The following AEN variants were observed in gnomAD, a reference collection of about 807,000 sequenced individuals.
AEN encodes the protein apoptosis enhancing nuclease, also known as apoptosis-enhancing nuclease.
Under a neutral mutation model 17.7 loss-of-function variants are expected in AEN, and 21 were observed. The ratio of observed to expected loss-of-function variants is 1.19; its 90% CI spans 0.84 to 1.71. AEN has a LOEUF of 1.71. Among genes scored for constraint, AEN ranks in the 40% most tolerant of loss-of-function variants. The probability of loss-of-function intolerance (pLI) is 0.00; values close to 1 mark genes in which losing one functional copy is unlikely to be tolerated. For missense variants in AEN, 462 were observed against 435.9 expected (o/e 1.06, Z -0.53); for synonymous variants, 190 against 173.0 (o/e 1.10, Z -0.77).
At chr15:88,617,811 C>A (rs35539462), upstream of AEN, among the ~76,000 whole-genome samples, 40,084 of 150,528 alleles carry the variant, frequency 0.27, 6,078 homozygotes, top group Non-Finnish European at 0.33. Flanking sequence ...AAGTGACTAG[C>A]TGAAATGCTT....
At chr15:88,617,839 G>GAA (rs34780546), upstream of AEN, among the ~76,000 whole-genome samples, 9 of 151,898 alleles carry the variant, frequency 5.9e-5, no homozygotes, top group East Asian at 1.9e-4. Flanking sequence ...TGATCAGCTG[G>GAA]AAAAAAATGC....
At chr15:88,629,950 C>G (rs80056110) in intron 3 of AEN, 108 bp from the exon 4 acceptor site, 1 of 974,328 alleles carries the variant, frequency 1.0e-6, no homozygotes, top group African/African-American at 1.6e-5. Context: ...TCTGAGCATA[C>G]GTATTCTTGG....
At chr15:88,618,286 G>C (rs993820283), upstream of AEN, among the ~76,000 whole-genome samples, 4 of 151,924 alleles carry the variant, frequency 2.6e-5, no homozygotes, top group African/African-American at 4.8e-5. Context: ...TTTTATCCAA[G>C]CATAATATAT....
In AEN at chr15:88,626,575, C is replaced by T. The variant is rs370751995; in HGVS notation, c.366C>T (p.Pro122=). The change falls in exon 2 of 4, where the codon CCC becomes CCT. Residue 122 remains proline (P), a synonymous_variant. Coordinates refer to ENST00000332810, the MANE Select transcript of AEN (RefSeq NM_022767.4). The stretch of plus-strand genomic sequence containing the variant: ...ACTGTGAGATGGTGGGCACGGGACC[C>T]CGAGGGCGGGTAAGCGAGCTGGCCC... The part of the protein sequence containing the change: ...AIDCEMVGTG[P]RGRVSELARC... The T allele has an allele frequency of 1.5e-5, 25 of 1,614,154 alleles. No homozygotes were observed. The African/African-American group carries it at 3.1e-4, about 20-fold the overall frequency.
upstream of AEN, among the ~76,000 whole-genome samples, chr15:88,618,238 C>G (rs1181324207): frequency 4.8e-5 from 4 of 82,566 alleles, no homozygotes; most frequent in Non-Finnish European, 6.2e-5. Context: ...ACATAATATG[C>G]AACATTCTTT....
upstream of AEN, among the ~76,000 whole-genome samples, chr15:88,618,419 A>G (rs2057756122): frequency 6.6e-6 from 1 of 152,110 alleles, no homozygotes; most frequent in Non-Finnish European, 1.5e-5. Context: ...CTAAGGGTTA[A>G]TTTTTTTTCC....
At chr15:88,629,986 T>G in intron 3 of AEN, 72 bp from the exon 4 acceptor site, 2 of 1,440,348 alleles carry the variant, frequency 1.4e-6, no homozygotes, top group East Asian at 2.3e-5. Flanking sequence ...CCTGGGAAAC[T>G]GGCCTTGCTT....
chr15:88,621,149 C>T (rs2057781039), upstream of AEN: 1 of 152,292 alleles, frequency 6.6e-6, no homozygotes, highest in Non-Finnish European at 1.5e-5. Flanking sequence ...AATTTCCCGC[C>T]AGTATGGCCG....
the AEN span, among the ~76,000 whole-genome samples, chr15:88,607,178 T>G: frequency 1.5e-4 from 23 of 152,244 alleles, no homozygotes; most frequent in Non-Finnish European, 2.5e-4. Context: ...GAGGGAAACG[T>G]GTCTCCCTTA....
chr15:88,616,536 G>C (rs374565430), upstream of AEN, among the ~76,000 whole-genome samples: 1 of 152,202 alleles, frequency 6.6e-6, no homozygotes. Context: ...CCCTAAGAAA[G>C]AAGGGGTATG....
At chr15:88,617,957 G>A (rs1352220328), upstream of AEN, among the ~76,000 whole-genome samples, 1 of 152,138 alleles carries the variant, frequency 6.6e-6, no homozygotes, top group Non-Finnish European at 1.5e-5. Context: ...GCCCCCTTGA[G>A]AACAGGCTGG....
At chr15:88,614,953 T>C in the AEN span, among the ~76,000 whole-genome samples, 1 of 152,080 alleles carries the variant, frequency 6.6e-6, no homozygotes, top group Non-Finnish European at 1.5e-5. Context: ...AGTGGCGCGA[T>C]CTCGGGTTCA....
At chr15:88,629,968 CAA>C (rs2057905235) in intron 3 of AEN, 88 bp from the exon 4 acceptor site, 2 of 1,259,268 alleles carry the variant, frequency 1.6e-6, no homozygotes, top group South Asian at 2.6e-5. Context: ...TGGGCCTGCA[CAA>C]AGAGCCCTGG....
chr15:88,628,851 G>GATC, intron 2 of AEN: 1 of 212,798 alleles, frequency 4.7e-6, no homozygotes. Context: ...GTTGGGTGGA[G>GATC]TGGGAGGCCT....
the AEN span, among the ~76,000 whole-genome samples, chr15:88,607,092 C>T: frequency 6.6e-6 from 1 of 152,190 alleles, no homozygotes; most frequent in Non-Finnish European, 1.5e-5. Context: ...CCACTCCCCT[C>T]AGGGGAGAGA....
At chr15:88,612,082 G>A in the AEN span, 1 of 344,542 alleles carries the variant, frequency 2.9e-6, no homozygotes, top group Non-Finnish European at 5.6e-6. Flanking sequence ...GACAAACTAT[G>A]GTGTGAGCAG....
chr15:88,609,620 T>A, the AEN span, among the ~76,000 whole-genome samples: 2 of 152,132 alleles, frequency 1.3e-5, no homozygotes, highest in Admixed American at 6.5e-5. Context: ...AAATTAGAAG[T>A]GGGGAGTGGA....
At chr15:88,614,534 G>A in the AEN span, among the ~76,000 whole-genome samples, 10 of 152,268 alleles carry the variant, frequency 6.6e-5, no homozygotes, top group Non-Finnish European at 1.0e-4. Flanking sequence ...CTTTATTGGA[G>A]TCTCAACACA....
At chr15:88,622,494 T>C (rs1029065169) in intron 1 of AEN, among the ~76,000 whole-genome samples, 5 of 152,196 alleles carry the variant, frequency 3.3e-5, no homozygotes, top group African/African-American at 1.2e-4. Context: ...CCGAGCTTGT[T>C]GAGTGCACAG....
Sources: allele counts gnomAD v4.1 joint callset (sites outside exome capture counted in the v4.1 genomes callset), GRCh38; gene constraint gnomAD v4.1.1; transcripts MANE v1.5; gene names NCBI Gene and HGNC (gene_info 2026-07-23, HGNC 2026-07-21).